Variants in BPTF observed in about 807,000 individuals in gnomAD.
The protein encoded by BPTF is bromodomain PHD finger transcription factor, also known as nucleosome-remodeling factor subunit BPTF.
A neutral mutation model predicts 292.5 loss-of-function variants in BPTF; 18 were observed. The ratio of observed to expected loss-of-function variants is 0.06; its 90% CI spans 0.04 to 0.09. The LOEUF (loss-of-function observed/expected upper bound fraction) is 0.09. Among genes scored for constraint, BPTF ranks in the 10% least tolerant of loss-of-function variants. BPTF has a pLI of 1.00. For synonymous variants in BPTF, 1,225 were observed against 1,251.9 expected, an observed-to-expected ratio of 0.98 and a Z score of 0.45; for missense variants, 2,726 against 3,498.7, an observed-to-expected ratio of 0.78 and a Z score of 5.57.
chr17:67,883,084 G>GGT (rs1328471957), intron 4 of BPTF, among the ~76,000 whole-genome samples: 1 of 151,968 alleles, frequency 6.6e-6, no homozygotes, highest in African/African-American at 2.4e-5. Context: ...GGGAGGCCCA[G>GGT]GTGGGCGGAT....
chr17:67,941,780 T>A (rs1362337385), intron 19 of BPTF, among the ~76,000 whole-genome samples: 1 of 152,208 alleles, frequency 6.6e-6, no homozygotes, highest in Admixed American at 6.5e-5. Flanking sequence ...GATAGAAGAA[T>A]ATCTTCATAG....
At chr17:67,902,622 G>A (rs1303803675) in intron 7 of BPTF, among the ~76,000 whole-genome samples, 1 of 152,144 alleles carries the variant, frequency 6.6e-6, no homozygotes, top group Non-Finnish European at 1.5e-5. Context: ...ATAGGCATGA[G>A]CTGTCAGCCT....
intron 27 of BPTF, among the ~76,000 whole-genome samples, chr17:67,980,538 C>T (rs1256944159): frequency 5.3e-5 from 8 of 152,152 alleles, no homozygotes; most frequent in Admixed American, 5.2e-4. Context: ...ATTGGGAAGG[C>T]CTTTGGTGGT....
chr17:67,909,513 T>G (rs972375555), intron 9 of BPTF, 69 bp from the exon 10 acceptor site: 1 of 1,027,834 alleles, frequency 9.7e-7, no homozygotes, highest in African/African-American at 1.6e-5. Context: ...TTATTTTCAC[T>G]AAACTTGACA....
intron 9 of BPTF, 94 bp from the exon 10 acceptor site, chr17:67,909,488 C>G: frequency 2.7e-6 from 2 of 747,902 alleles, no homozygotes; most frequent in Non-Finnish European, 3.9e-6. Flanking sequence ...ACATAACTTG[C>G]TGGAAATTAC....
At chr17:67,859,254 T>A (rs1183266220) in intron 2 of BPTF, among the ~76,000 whole-genome samples, 1 of 152,174 alleles carries the variant, frequency 6.6e-6, no homozygotes, top group East Asian at 1.9e-4. Context: ...CAGGCCATCC[T>A]CTCACCTCAG....
In BPTF at chr17:67,982,263, A is replaced by G; in HGVS notation, c.8738A>G (p.Asn2913Ser). The change falls in exon 28 of 28, where the codon AAC becomes AGC. Residue 2913 changes from asparagine (N) to serine (S), a missense_variant. Asn to Ser is a conservative substitution (Grantham distance 46). Around this residue, in one of 22 missense-constraint regions of BPTF, gnomAD observed 21 missense variants for 16.1 expected, o/e 1.30. Transcript: ENST00000306378. ...TCTATATTCTGTAGGTCTCATAACAACAAACTGCAGTCTACAGCTTCTTAA... is the reference window on the plus strand; with the variant it reads ...TCTATATTCTGTAGGTCTCATAACAGCAAACTGCAGTCTACAGCTTCTTAA... ...KGFKASRSHN[N>S]KLQSTAS is the part of the protein sequence containing the mutation. The G allele has an allele frequency of 6.2e-7, 1 of 1,611,834 alleles. No individual in the cohort carries two copies. The highest frequency in any genetic ancestry group is 8.5e-7 in the Non-Finnish European group (1 of 1,178,442).
intron 4 of BPTF, among the ~76,000 whole-genome samples, chr17:67,878,851 T>C (rs1373000978): frequency 6.6e-6 from 1 of 152,226 alleles, no homozygotes; most frequent in Non-Finnish European, 1.5e-5. Context: ...CAGAAGTATC[T>C]ACACTGAATT....
chr17:67,950,273 C>CA (rs1426880244), intron 23 of BPTF, among the ~76,000 whole-genome samples: 2 of 150,906 alleles, frequency 1.3e-5, no homozygotes, highest in Admixed American at 6.6e-5. Flanking sequence ...CCCCCACCGC[C>CA]AAAAAAAGAA....
chr17:67,882,859 G>A (rs866711715), intron 4 of BPTF, among the ~76,000 whole-genome samples: 6 of 152,082 alleles, frequency 3.9e-5, no homozygotes, highest in East Asian at 1.9e-4. Context: ...TTAGCTGGGC[G>A]TGGTGGTGCT....
At chr17:67,844,818 A>G (rs1598193668) in intron 1 of BPTF, among the ~76,000 whole-genome samples, 1 of 151,896 alleles carries the variant, frequency 6.6e-6, no homozygotes, top group South Asian at 2.1e-4. Flanking sequence ...ATCTCGGCTC[A>G]CCGCAACCTC....
rs769661089 is a variant in BPTF at position 67,891,909 on chromosome 17, G to T, written c.1930G>T (p.Ala644Ser). 6.2e-7 allele frequency: 1 copy of T among 1,612,278 alleles called. No homozygotes were observed. The highest frequency in any genetic ancestry group is 1.1e-5 in the South Asian group (1 of 90,660). ...TGAATCTCCTGGAGCTGGAAAAGGA[G>T]CATCTGGCTCAACTCGAATCATCAC... is the stretch of plus-strand genomic sequence containing the variant. ...LSESPGAGKGASGSTRIITRL... is the reference protein window; with the variant it reads ...LSESPGAGKGSSGSTRIITRL... The change falls in exon 5 of 28, where the codon GCA (alanine) becomes TCA (serine). Residue 644 changes from alanine (A) to serine (S), a missense_variant. Physicochemically the swap from Ala to Ser is moderately conservative, Grantham distance 99 (BLOSUM62 1). Coordinates refer to ENST00000306378, the MANE Select transcript of BPTF (RefSeq NM_182641.4).
At chr17:67,925,994 T>A in intron 15 of BPTF, among the ~76,000 whole-genome samples, 1 of 72,672 alleles carries the variant, frequency 1.4e-5, no homozygotes, top group African/African-American at 7.0e-5. Context: ...ACATATTACT[T>A]TTTTTTTTTT....
chr17:67,909,418 A>G (rs2062494627), intron 9 of BPTF, among the ~76,000 whole-genome samples, 164 bp from the exon 10 acceptor site: 1 of 151,012 alleles, frequency 6.6e-6, no homozygotes, highest in African/African-American at 2.4e-5. Flanking sequence ...ATAGGATTAT[A>G]TGGTACCTTA....
chr17:67,915,980 G>A lies in BPTF; in HGVS notation c.5304-2734G>A, dbSNP rs185212459. ...ACTTTAAAGTCATTGTTTGACCACA[G>A]AGAATGAGGACAAACTTTTCCTTGC... is the stretch of plus-strand genomic sequence containing the variant. On this transcript the variant is annotated intron_variant, in intron 11 of 27. Coordinates refer to ENST00000306378, the MANE Select transcript of BPTF (RefSeq NM_182641.4). Among the ~76,000 whole-genome samples the A allele has an allele frequency of 2.0e-5, 3 of 152,216 alleles. No individual in the cohort carries two copies. The East Asian group carries it at 5.8e-4, about 29-fold the overall frequency.
At chr17:67,841,182 C>T (rs868783815) in intron 1 of BPTF, among the ~76,000 whole-genome samples, 2 of 151,770 alleles carry the variant, frequency 1.3e-5, no homozygotes, top group African/African-American at 2.4e-5. Context: ...CCAAGGCAGG[C>T]GGATCACCTG....
At chr17:67,947,994 C>A in intron 22 of BPTF, 87 bp from the exon 23 acceptor site, 1 of 1,380,700 alleles carries the variant, frequency 7.2e-7, no homozygotes, top group Non-Finnish European at 1.0e-6. Context: ...AAGTTTTTGT[C>A]TCATCTGTAG....
chr17:67,836,688 T>C (rs1262005573), intron 1 of BPTF, among the ~76,000 whole-genome samples: 1 of 152,208 alleles, frequency 6.6e-6, no homozygotes, highest in African/African-American at 2.4e-5. Flanking sequence ...ACTTCAACAC[T>C]CTTCTCACAG....
Position 67,952,054 on chromosome 17 carries a change from CA to C in BPTF, c.7926+3771del, listed in dbSNP as rs56099409. 1.0e-2 allele frequency among the ~76,000 whole-genome samples: 713 copies of C among 71,308 alleles called. 8 individuals are homozygous for C. Among genetic ancestry groups the C allele is most frequent in the African/African-American group, 0.039 (682 of 17,308 alleles). The allele number at this position is 71,308 out of a possible 152,430, so 46.8% of individuals were successfully genotyped here. ...TGGGCGACAGAGTGAGACTCTGTCTCAAAAAAAAAAAAAAAAAAAAAAATTA... is the reference window on the plus strand; with the variant it reads ...TGGGCGACAGAGTGAGACTCTGTCTCAAAAAAAAAAAAAAAAAAAAAATTA... On this transcript the variant is annotated intron_variant, in intron 23 of 27. Transcript: ENST00000306378.
Sources: gnomAD v4.1 joint callset for allele counts (sites outside exome capture counted in the v4.1 genomes callset) on GRCh38, gnomAD v4.1.1 for gene constraint, gnomAD v4.1.1 regional missense constraint, MANE v1.5 for transcripts, NCBI Gene and HGNC (gene_info 2026-07-23, HGNC 2026-07-21) for gene names.